GRHL2: variants seen among roughly 807,000 people sequenced by gnomAD.
GRHL2 encodes grainyhead like transcription factor 2.
A neutral mutation model predicts 83.8 loss-of-function variants in GRHL2; 21 were observed. That is an observed-to-expected ratio of 0.25 (90% CI 0.18 to 0.36). GRHL2 has a LOEUF of 0.36. Ranked by LOEUF, GRHL2 falls within the 10% of genes least tolerant of loss-of-function variation. GRHL2 has a pLI of 1.00. For synonymous variants in GRHL2, 280 were observed against 278.9 expected, an observed-to-expected ratio of 1.00 and a Z score of -0.04; for missense variants, 623 against 781.8, an observed-to-expected ratio of 0.80 and a Z score of 2.42.
intron 1 of GRHL2, among the ~76,000 whole-genome samples, chr8:101,536,930 A>AC (rs918582008): frequency 2.1e-4 from 29 of 139,204 alleles, no homozygotes; most frequent in Non-Finnish European, 3.4e-4. Flanking sequence ...CCCTCCCCTC[A>AC]CCCCCCGCCC....
intron 1 of GRHL2, among the ~76,000 whole-genome samples, chr8:101,501,025 A>T (rs1346674928): frequency 6.6e-6 from 1 of 152,202 alleles, no homozygotes; most frequent in Non-Finnish European, 1.5e-5. Flanking sequence ...GCACCTTTTG[A>T]TTTGCCACAT....
rs2130396058 is a variant in GRHL2 at position 101,630,907 on chromosome 8, A to G, written c.1258-730A>G. ...GGCATCATTATAGGCCAGGAAGTAA[A>G]GAGATATAAGGTGGTGGTCAATTGG... is the stretch of plus-strand genomic sequence containing the variant. On this transcript the variant is annotated intron_variant, in intron 9 of 15. Transcript: ENST00000646743. 3.3e-5 allele frequency among the ~76,000 whole-genome samples: 5 copies of G among 152,320 alleles called. No individual in the cohort carries two copies. In the South Asian group the frequency reaches 1.0e-3, roughly 32 times the overall value.
At chr8:101,606,334 A>C (rs1176910945) in intron 8 of GRHL2, among the ~76,000 whole-genome samples, 2 of 152,194 alleles carry the variant, frequency 1.3e-5, no homozygotes, top group African/African-American at 4.8e-5. Flanking sequence ...ATGCAAAGTG[A>C]GGAGACATGT....
intron 6 of GRHL2, among the ~76,000 whole-genome samples, chr8:101,575,604 T>C (rs1297611933): frequency 6.6e-6 from 1 of 152,180 alleles, no homozygotes; most frequent in Non-Finnish European, 1.5e-5. Flanking sequence ...TCAAAGCATG[T>C]AGGGCGTGGT....
intron 13 of GRHL2, among the ~76,000 whole-genome samples, chr8:101,644,849 A>AT (rs1160474484): frequency 0.039 from 5,500 of 140,672 alleles, 183 homozygotes; most frequent in East Asian, 0.15. Context: ...CCAGTACTGG[A>AT]TTTTTTTTTT....
Position 101,598,581 on chromosome 8 carries a change from A to ATTTT in GRHL2, c.1004-450_1004-447dup, listed in dbSNP as rs61519476. On this transcript the variant is annotated intron_variant, in intron 7 of 15. Transcript: ENST00000646743. The stretch of plus-strand genomic sequence containing the variant: ...AAAAAGCTTTACTGTGGTCTCCTGA[A>ATTTT]TTTTTTTTTTTTTTTTTTTTTTTTT... Among the ~76,000 whole-genome samples the ATTTT allele has an allele frequency of 1.6e-4, 19 of 117,648 alleles. 1 individual carries two copies. The highest frequency in any genetic ancestry group is 1.5e-3 in the South Asian group (5 of 3,402). The allele number at this position is 117,648 out of a possible 152,430, so 77.2% of individuals were successfully genotyped here.
intron 1 of GRHL2, among the ~76,000 whole-genome samples, chr8:101,504,150 G>A (rs1009476473): frequency 3.9e-5 from 6 of 152,072 alleles, no homozygotes; most frequent in East Asian, 1.9e-4. Context: ...GAATTGACCC[G>A]ATCCCCTGCA....
At chr8:101,648,380 G>A (rs1022011182) in intron 13 of GRHL2, among the ~76,000 whole-genome samples, 3 of 152,112 alleles carry the variant, frequency 2.0e-5, no homozygotes, top group Non-Finnish European at 4.4e-5. Context: ...TTATTTTGCA[G>A]AGAAATAAAT....
intron 1 of GRHL2, among the ~76,000 whole-genome samples, chr8:101,525,221 G>A (rs1436512699): frequency 1.3e-5 from 2 of 152,130 alleles, no homozygotes; most frequent in African/African-American, 4.8e-5. Flanking sequence ...GGAATTACAG[G>A]TGTGAGCCAC....
At chr8:101,610,283 ACTAAT>A (rs1169531642) in intron 8 of GRHL2, among the ~76,000 whole-genome samples, 1 of 151,078 alleles carries the variant, frequency 6.6e-6, no homozygotes, top group African/African-American at 2.5e-5. Context: ...GCAAATCATA[ACTAAT>A]CTACCTTTGG....
At chr8:101,501,583 G>A (rs1810229843) in intron 1 of GRHL2, among the ~76,000 whole-genome samples, 1 of 152,176 alleles carries the variant, frequency 6.6e-6, no homozygotes, top group Non-Finnish European at 1.5e-5. Context: ...AGTGGAGTGT[G>A]AGCGGCCAGC....
chr8:101,510,640 C>A (rs1399156599), intron 1 of GRHL2, among the ~76,000 whole-genome samples: 2 of 152,220 alleles, frequency 1.3e-5, no homozygotes, highest in African/African-American at 2.4e-5. Flanking sequence ...TGTTATTACA[C>A]AATAACTATC....
intron 2 of GRHL2, among the ~76,000 whole-genome samples, chr8:101,549,842 G>A (rs1235058042): frequency 6.6e-6 from 1 of 151,812 alleles, no homozygotes; most frequent in Non-Finnish European, 1.5e-5. Context: ...CCTCTGGGGA[G>A]CTCTGTCCTC....
intron 6 of GRHL2, 127 bp from the exon 7 acceptor site, chr8:101,577,281 C>T (rs939943292): frequency 1.4e-5 from 10 of 710,516 alleles, no homozygotes; most frequent in Non-Finnish European, 2.6e-5. Context: ...CCAAGCTTGT[C>T]TGGGCTTTTC....
chr8:101,673,168 A>T (rs1345547495), downstream of GRHL2, among the ~76,000 whole-genome samples: 1 of 151,976 alleles, frequency 6.6e-6, no homozygotes, highest in Non-Finnish European at 1.5e-5. Flanking sequence ...TAACCAGCTA[A>T]CATCATAAGG....
intron 14 of GRHL2, among the ~76,000 whole-genome samples, chr8:101,660,569 C>G (rs904251840): frequency 2.0e-5 from 3 of 152,150 alleles, no homozygotes; most frequent in Admixed American, 6.5e-5. Context: ...AACTGATACA[C>G]TTGATTGTAT....
chr8:101,660,732 C>T (rs1377964755), intron 14 of GRHL2, among the ~76,000 whole-genome samples: 1 of 152,092 alleles, frequency 6.6e-6, no homozygotes, highest in Non-Finnish European at 1.5e-5. Flanking sequence ...AGTAATTCTT[C>T]ACTACTATTT....
At chr8:101,615,597 G>A (rs773379192) in intron 8 of GRHL2, among the ~76,000 whole-genome samples, 1 of 152,184 alleles carries the variant, frequency 6.6e-6, no homozygotes, top group Non-Finnish European at 1.5e-5. Context: ...CAACTGCATA[G>A]CTCACCAGAG....
At chr8:101,543,810 A>G (rs1174922279) in intron 2 of GRHL2, 10 of 281,010 alleles carry the variant, frequency 3.6e-5, no homozygotes, top group Middle Eastern at 1.3e-3. Flanking sequence ...CCATTTTCAC[A>G]CTGCTGATAA....
Sources: gnomAD v4.1 joint callset for allele counts (sites outside exome capture counted in the v4.1 genomes callset) on GRCh38, gnomAD v4.1.1 for gene constraint, MANE v1.5 for transcripts, NCBI Gene and HGNC (gene_info 2026-07-23, HGNC 2026-07-21) for gene names.